SCHIP1: variants seen among roughly 807,000 people sequenced by gnomAD.
SCHIP1 encodes schwannomin interacting protein 1.
In SCHIP1, 8 loss-of-function variants were observed where a neutral mutation model predicts 29.7. The ratio of observed to expected loss-of-function variants is 0.27; its 90% CI spans 0.16 to 0.49. SCHIP1 has a LOEUF of 0.49. Ranked by LOEUF, SCHIP1 falls within the 20% of genes least tolerant of loss-of-function variation. The probability of loss-of-function intolerance (pLI) is 0.99; values close to 1 mark genes in which losing one functional copy is unlikely to be tolerated. For missense variants in SCHIP1, 193 were observed against 294.6 expected (o/e 0.66, Z 2.52); for synonymous variants, 76 against 94.9 (o/e 0.80, Z 1.16).
the SCHIP1 span, among the ~76,000 whole-genome samples, chr3:159,781,194 A>T: frequency 6.6e-6 from 1 of 152,094 alleles, no homozygotes; most frequent in East Asian, 1.9e-4. Flanking sequence ...TTATTTATTG[A>T]GACAGAGTTT....
At chr3:159,401,686 T>A in the SCHIP1 span, among the ~76,000 whole-genome samples, 4 of 152,208 alleles carry the variant, frequency 2.6e-5, no homozygotes, top group Admixed American at 6.5e-5. Context: ...TATAGAAACA[T>A]CTCCCCATTG....
chr3:159,365,524 G>A, the SCHIP1 span, among the ~76,000 whole-genome samples: 119 of 152,314 alleles, frequency 7.8e-4, no homozygotes, highest in Admixed American at 3.9e-3. Flanking sequence ...AAGGGCAGGA[G>A]TTTGTCTGCC....
the SCHIP1 span, among the ~76,000 whole-genome samples, chr3:159,392,698 A>G: frequency 6.6e-6 from 1 of 151,730 alleles, no homozygotes; most frequent in African/African-American, 2.4e-5. Context: ...ACATTTTCTT[A>G]ATCCAGTCTA....
chr3:159,356,710 C>T, the SCHIP1 span, among the ~76,000 whole-genome samples: 1 of 152,126 alleles, frequency 6.6e-6, no homozygotes, highest in Non-Finnish European at 1.5e-5. Flanking sequence ...CCAAAGATGC[C>T]TAATTTACTC....
the SCHIP1 span, among the ~76,000 whole-genome samples, chr3:159,672,290 A>G: frequency 1.3e-5 from 2 of 152,224 alleles, no homozygotes; most frequent in African/African-American, 4.8e-5. Flanking sequence ...TAAGCACTCA[A>G]TAAATGTTAG....
chr3:159,452,882 T>G, the SCHIP1 span, among the ~76,000 whole-genome samples: 1 of 152,344 alleles, frequency 6.6e-6, no homozygotes, highest in South Asian at 2.1e-4. Context: ...GAGAATTTTT[T>G]AAATGCAAAA....
the SCHIP1 span, among the ~76,000 whole-genome samples, chr3:159,815,537 A>G: frequency 1.3e-5 from 2 of 152,206 alleles, no homozygotes; most frequent in Non-Finnish European, 2.9e-5. Context: ...TAAGAGTGCT[A>G]TGATGCATTA....
chr3:159,891,778 C>T (rs1425059923), intron 5 of SCHIP1, among the ~76,000 whole-genome samples: 1 of 152,114 alleles, frequency 6.6e-6, no homozygotes, highest in Admixed American at 6.5e-5. Context: ...TTAATGTGCT[C>T]CAGGCTTTGC....
chr3:159,695,183 C>G, the SCHIP1 span, among the ~76,000 whole-genome samples: 2 of 152,166 alleles, frequency 1.3e-5, no homozygotes, highest in Non-Finnish European at 2.9e-5. Context: ...AACTAAACAC[C>G]TTGAATGGCT....
the SCHIP1 span, among the ~76,000 whole-genome samples, chr3:159,599,900 C>G: frequency 1.3e-5 from 2 of 151,984 alleles, no homozygotes; most frequent in Admixed American, 6.6e-5. Flanking sequence ...CTTGCAGGGT[C>G]AGTCTATTGG....
the SCHIP1 span, among the ~76,000 whole-genome samples, chr3:159,277,309 G>A: frequency 3.9e-5 from 6 of 152,170 alleles, no homozygotes; most frequent in Non-Finnish European, 7.3e-5. Context: ...GACAGACTCA[G>A]CCTAATGATG....
At chr3:159,672,759 A>G in the SCHIP1 span, among the ~76,000 whole-genome samples, 1 of 152,198 alleles carries the variant, frequency 6.6e-6, no homozygotes, top group Non-Finnish European at 1.5e-5. Flanking sequence ...ATTTAATCTT[A>G]CTGGTCCTCA....
At chr3:159,346,965 G>A in the SCHIP1 span, among the ~76,000 whole-genome samples, 2 of 152,150 alleles carry the variant, frequency 1.3e-5, no homozygotes, top group African/African-American at 4.8e-5. Flanking sequence ...TCCACTCATA[G>A]TGGCAGTCAT....
intron 1 of SCHIP1, among the ~76,000 whole-genome samples, chr3:159,850,422 C>T (rs1242116827): frequency 2.6e-5 from 4 of 151,314 alleles, no homozygotes; most frequent in South Asian, 2.1e-4. Flanking sequence ...GGCGTGGTGG[C>T]GGGCACCTGT....
the SCHIP1 span, among the ~76,000 whole-genome samples, chr3:159,543,259 G>C: frequency 6.6e-6 from 1 of 150,648 alleles, no homozygotes; most frequent in Non-Finnish European, 1.5e-5. Flanking sequence ...TGCACAATGT[G>C]CAAGTTAGTT....
the SCHIP1 span, among the ~76,000 whole-genome samples, chr3:159,650,894 AGT>A: frequency 6.6e-6 from 1 of 152,162 alleles, no homozygotes. Flanking sequence ...AGAAAAGCTG[AGT>A]GTGAGTGACA....
intron 2 of SCHIP1, among the ~76,000 whole-genome samples, chr3:159,875,018 T>TAAAAA (rs532553787): frequency 8.3e-6 from 1 of 120,596 alleles, no homozygotes; most frequent in African/African-American, 3.1e-5. Flanking sequence ...CTGGGTAGTC[T>TAAAAA]AAAAAAAAAA....
the SCHIP1 span, among the ~76,000 whole-genome samples, chr3:159,331,633 G>A: frequency 2.9e-4 from 44 of 152,060 alleles, no homozygotes; most frequent in African/African-American, 1.0e-3. Flanking sequence ...TTCCTCTCAC[G>A]GATGAAATTC....
At chr3:159,883,195 A>G (rs1249226040) in intron 2 of SCHIP1, among the ~76,000 whole-genome samples, 1 of 152,230 alleles carries the variant, frequency 6.6e-6, no homozygotes, top group East Asian at 1.9e-4. Context: ...TGAAACATCA[A>G]GTAACCTTGA....
Sources: gnomAD v4.1 joint callset for allele counts (sites outside exome capture counted in the v4.1 genomes callset) on GRCh38, gnomAD v4.1.1 for gene constraint, MANE v1.5 for transcripts, NCBI Gene and HGNC (gene_info 2026-07-23, HGNC 2026-07-21) for gene names.